The following KATNIP variants were observed in gnomAD, a reference collection of about 807,000 sequenced individuals.
KATNIP encodes katanin interacting protein, also known as katanin-interacting protein.
KATNIP carries 126 observed loss-of-function variants against 174.0 expected under a neutral mutation model. The ratio of observed to expected loss-of-function variants is 0.72; its 90% CI spans 0.63 to 0.84. KATNIP has a LOEUF of 0.84. Ranked by LOEUF, KATNIP falls within the 40% of genes least tolerant of loss-of-function variation. The probability of loss-of-function intolerance (pLI) is 0.00; values close to 1 mark genes in which losing one functional copy is unlikely to be tolerated. For missense variants in KATNIP, 1,958 were observed against 2,109.7 expected (o/e 0.93, Z 1.41); for synonymous variants, 810 against 835.7 (o/e 0.97, Z 0.53).
At chr16:27,697,307 G>A (rs1024378851) in intron 8 of KATNIP, among the ~76,000 whole-genome samples, 2 of 152,002 alleles carry the variant, frequency 1.3e-5, no homozygotes, top group Non-Finnish European at 2.9e-5. Flanking sequence ...CCCCAACCTC[G>A]CCAGCATCTA....
At chr16:27,591,468 AC>A (rs1474611287) in intron 2 of KATNIP, among the ~76,000 whole-genome samples, 1 of 152,158 alleles carries the variant, frequency 6.6e-6, no homozygotes, top group African/African-American at 2.4e-5. Context: ...GGTGTGAGCT[AC>A]CACGCCTGGC....
chr16:27,565,295 G>A (rs534465986), intron 1 of KATNIP, among the ~76,000 whole-genome samples: 17 of 150,834 alleles, frequency 1.1e-4, no homozygotes, highest in East Asian at 4.0e-4. Context: ...GTGAAACCCC[G>A]TCTCTGTTAA....
intron 6 of KATNIP, among the ~76,000 whole-genome samples, chr16:27,668,179 G>A (rs1478309117): frequency 6.6e-6 from 1 of 152,156 alleles, no homozygotes; most frequent in Non-Finnish European, 1.5e-5. Flanking sequence ...ACCAGGCAGG[G>A]AATAAACATG....
intron 3 of KATNIP, among the ~76,000 whole-genome samples, chr16:27,620,530 T>A (rs1022601801): frequency 1.3e-5 from 2 of 152,150 alleles, no homozygotes; most frequent in Non-Finnish European, 2.9e-5. Flanking sequence ...TTGCTTGATG[T>A]TGTCATAAAC....
At chr16:27,633,911 G>A (rs2076563299) in intron 5 of KATNIP, among the ~76,000 whole-genome samples, 1 of 152,204 alleles carries the variant, frequency 6.6e-6, no homozygotes, top group South Asian at 2.1e-4. Flanking sequence ...GATTAACTGG[G>A]GAAGGGTGTC....
intron 3 of KATNIP, among the ~76,000 whole-genome samples, chr16:27,626,205 C>A (rs1223102021): frequency 2.0e-5 from 3 of 151,364 alleles, no homozygotes; most frequent in East Asian, 2.0e-4. Context: ...CCCCGCCCCC[C>A]ACTGAACAGA....
At chr16:27,759,309 G>A (rs2081861556) in intron 18 of KATNIP, among the ~76,000 whole-genome samples, 1 of 152,200 alleles carries the variant, frequency 6.6e-6, no homozygotes, top group South Asian at 2.1e-4. Flanking sequence ...GCAGGGTAAG[G>A]ATGTAGAGAG....
intron 6 of KATNIP, among the ~76,000 whole-genome samples, chr16:27,674,719 C>A (rs1041757415): frequency 3.3e-5 from 5 of 152,182 alleles, no homozygotes; most frequent in African/African-American, 1.2e-4. Context: ...CTCCTCAGCT[C>A]CCAGGGGCTA....
At chr16:27,626,264 G>A (rs759502550) in intron 3 of KATNIP, among the ~76,000 whole-genome samples, 9 of 148,034 alleles carry the variant, frequency 6.1e-5, no homozygotes, top group Non-Finnish European at 1.3e-4. Flanking sequence ...TAACATCTGT[G>A]TAATAGCAGC....
intron 2 of KATNIP, 71 bp downstream of exon 2, chr16:27,574,027 G>A (rs761880799): frequency 3.0e-4 from 407 of 1,358,570 alleles, no homozygotes; most frequent in Non-Finnish European, 3.9e-4. Context: ...GCAGGGTGGC[G>A]AATAAGTGTC....
chr16:27,710,181 G>A (rs554676312), intron 13 of KATNIP, among the ~76,000 whole-genome samples: 109 of 152,252 alleles, frequency 7.2e-4, no homozygotes, highest in Middle Eastern at 3.4e-3. Context: ...CCAACATGGC[G>A]AAATCCTGTC....
Position 27,776,357 on chromosome 16 carries a change from G to C in KATNIP, c.4450-571G>C, listed in dbSNP as rs2082498264. On this transcript the variant is annotated intron_variant, in intron 24 of 27. Transcript: ENST00000261588. The surrounding 1 kb of genome is among the most constrained non-coding windows in gnomAD (Gnocchi z 4.7). ...AGAGCTTTGGTTGGGGGTGGGGAGA[G>C]GGAGGGCTGTTTGAGGCTGCTCCGT... Among the ~76,000 whole-genome samples, 1 of 152,116 alleles carries C rather than the reference G, an allele frequency of 6.6e-6. No individual in the cohort carries two copies. Among genetic ancestry groups the C allele is most frequent in the South Asian group, 2.1e-4 (1 of 4,824 alleles).
chr16:27,698,435 G>A lies in KATNIP; in HGVS notation c.1048G>A (p.Glu350Lys). 6.2e-7 allele frequency: 1 copy of A among 1,613,624 alleles called. No homozygotes were observed. Among genetic ancestry groups the A allele is most frequent in the South Asian group, 1.1e-5 (1 of 90,904 alleles). ...TGCTGTGCTCCAAGCCATCCAGGTG[G>A]AGAACGCAGCCCTGCAGAGGGCGCT... ...ASAVLQAIQV[E>K]NAALQRALLS... is the part of the protein sequence containing the mutation. Residue 350 changes from glutamate (E) to lysine (K), a missense_variant, in exon 9 of 28, where the codon GAG (glutamate) becomes AAG (lysine). By Grantham distance (56) the Glu-to-Lys change is moderately conservative. Around this residue, in one of 3 missense-constraint regions of KATNIP, gnomAD observed 1,557 missense variants for 1,617.8 expected, o/e 0.96. Transcript: ENST00000261588.
Position 27,773,152 on chromosome 16 carries a change from C to T in KATNIP, c.4252C>T (p.Leu1418Phe). The change falls in exon 23 of 28, where the codon CTC (leucine) becomes TTC (phenylalanine). Residue 1418 changes from leucine (L) to phenylalanine (F), a missense_variant. Transcript: ENST00000261588. ...CTGGGGCGACCCCTACTACATCGGC[C>T]TCACCGGCCTGGAGCTGTATGACGA... is the stretch of plus-strand genomic sequence containing the variant. ...TSWGDPYYIGLTGLELYDERG... is the reference protein window; with the variant it reads ...TSWGDPYYIGFTGLELYDERG... 2 of 1,612,842 alleles carry T rather than the reference C, an allele frequency of 1.2e-6. No homozygotes were observed. Among genetic ancestry groups the T allele is most frequent in the Non-Finnish European group, 1.7e-6 (2 of 1,179,464 alleles).
In KATNIP at chr16:27,749,827, A is replaced by T; in HGVS notation, c.2867A>T (p.Tyr956Phe). ...QPGLSRGQDG[Y>F]SGETDAGGDF... Reference sequence around the variant, plus strand: ...GGGCTGTCGAGAGGGCAGGATGGCTACTCTGGAGAGACAGACGCTGGGGGT... The same window carrying T: ...GGGCTGTCGAGAGGGCAGGATGGCTTCTCTGGAGAGACAGACGCTGGGGGT... The change falls in exon 16 of 28, where the codon TAC (tyrosine) becomes TTC (phenylalanine). Residue 956 changes from tyrosine to phenylalanine, a missense_variant. Physicochemically the swap from Tyr to Phe is conservative, Grantham distance 22. Coordinates refer to ENST00000261588, the MANE Select transcript of KATNIP (RefSeq NM_015202.5). 6.2e-7 allele frequency: 1 copy of T among 1,613,832 alleles called. No individual in the cohort carries two copies. The highest frequency in any genetic ancestry group is 8.5e-7 in the Non-Finnish European group (1 of 1,179,892).
At chr16:27,570,009 A>G (rs1462467653) in intron 1 of KATNIP, among the ~76,000 whole-genome samples, 1 of 151,924 alleles carries the variant, frequency 6.6e-6, no homozygotes, top group African/African-American at 2.4e-5. Flanking sequence ...TGGCCTCCCA[A>G]AGTGCTGAGA....
In KATNIP at chr16:27,750,009, G is replaced by C; in HGVS notation, c.3049G>C (p.Asp1017His). ...TTCAAACATAAAAGCAGACCCTCCC[G>C]ATATCAATATTTTACCAGCCTATGG... ...QISNIKADPP[D>H]INILPAYGKD... Residue 1017 changes from aspartate to histidine, a missense_variant, in exon 16 of 28, where the codon GAT (aspartate) becomes CAT (histidine). By Grantham distance (81) the Asp-to-His change is moderately conservative. Around this residue, in one of 3 missense-constraint regions of KATNIP, gnomAD observed 1,557 missense variants for 1,617.8 expected, o/e 0.96. Transcript: ENST00000261588. 1 of 1,614,034 alleles carries C rather than the reference G, an allele frequency of 6.2e-7. No individual in the cohort carries two copies. The highest frequency in any genetic ancestry group is 8.5e-7 in the Non-Finnish European group (1 of 1,180,012).
At chr16:27,554,824 C>T (rs1249067343) in intron 1 of KATNIP, among the ~76,000 whole-genome samples, 2 of 136,356 alleles carry the variant, frequency 1.5e-5, no homozygotes, top group African/African-American at 2.8e-5. Context: ...GACAGAGTCT[C>T]GCCCTGTCAC....
intron 2 of KATNIP, among the ~76,000 whole-genome samples, chr16:27,608,773 A>G (rs576920054): frequency 1.3e-5 from 2 of 152,186 alleles, no homozygotes; most frequent in South Asian, 4.1e-4. Context: ...TAAGGATACC[A>G]ATAAGGACAT....
Sources: gnomAD v4.1 joint callset for allele counts (sites outside exome capture counted in the v4.1 genomes callset) on GRCh38, gnomAD v4.1.1 for gene constraint, gnomAD v4.1.1 regional missense constraint, Gnocchi (gnomAD v3.1) non-coding constraint, MANE v1.5 for transcripts, NCBI Gene and HGNC (gene_info 2026-07-23, HGNC 2026-07-21) for gene names.